Variants in PAX5 observed in about 807,000 individuals in gnomAD.
The protein encoded by PAX5 is paired box 5, also known as paired box protein Pax-5.
A neutral mutation model predicts 43.7 loss-of-function variants in PAX5; 9 were observed. The observed-to-expected ratio is 0.21, with a 90% confidence interval of 0.12 to 0.36. PAX5 has a LOEUF of 0.36. PAX5 is among the 10% of genes least tolerant of loss of function. The pLI is 1.00. For missense variants in PAX5, 383 were observed against 532.7 expected (o/e 0.72, Z 2.77); for synonymous variants, 228 against 214.3 (o/e 1.06, Z -0.56).
rs117493137 is a variant in PAX5 at position 36,962,583 on chromosome 9, G to A, written c.780+3966C>T. On this transcript the variant is annotated intron_variant, in intron 6 of 9. Transcript: ENST00000358127. Reference sequence around the variant, plus strand: ...GATCGCTGTCGTCACGTTCGGTTTCGGCTGCTGCAGCTGTTCTTGTTGTTG... The same window carrying A: ...GATCGCTGTCGTCACGTTCGGTTTCAGCTGCTGCAGCTGTTCTTGTTGTTG... Among the ~76,000 whole-genome samples the A allele has an allele frequency of 3.3e-4, 51 of 152,248 alleles. 1 individual carries two copies. In the East Asian group the frequency reaches 9.3e-3, roughly 28 times the overall value.
intron 8 of PAX5, among the ~76,000 whole-genome samples, chr9:36,849,508 T>C (rs931999136): frequency 2.0e-5 from 3 of 152,222 alleles, no homozygotes; most frequent in African/African-American, 7.2e-5. Flanking sequence ...GGAATAATTA[T>C]TTGTTGAATG....
intron 8 of PAX5, among the ~76,000 whole-genome samples, chr9:36,853,154 C>T (rs993842776): frequency 6.6e-6 from 1 of 152,218 alleles, no homozygotes; most frequent in African/African-American, 2.4e-5. Context: ...CAAGTAAATG[C>T]AAACATCAGT....
intron 6 of PAX5, among the ~76,000 whole-genome samples, chr9:36,947,352 A>G (rs1402057000): frequency 6.6e-6 from 1 of 152,210 alleles, no homozygotes; most frequent in Non-Finnish European, 1.5e-5. Flanking sequence ...TGGATCAAGT[A>G]CCATTTCCTC....
At chr9:36,993,793 C>T (rs965877411) in intron 5 of PAX5, among the ~76,000 whole-genome samples, 2 of 152,174 alleles carry the variant, frequency 1.3e-5, no homozygotes, top group Non-Finnish European at 2.9e-5. Context: ...TATCCCCCTC[C>T]ATCGGCCCCA....
At chr9:37,018,001 C>T (rs1839536302) in intron 2 of PAX5, among the ~76,000 whole-genome samples, 1 of 152,200 alleles carries the variant, frequency 6.6e-6, no homozygotes, top group African/African-American at 2.4e-5. Flanking sequence ...GTGCAAAGAG[C>T]ATTAGTTTAG....
chr9:36,953,032 G>A (rs142241567), intron 6 of PAX5, among the ~76,000 whole-genome samples: 146 of 152,168 alleles, frequency 9.6e-4, no homozygotes, highest in African/African-American at 3.4e-3. Context: ...CAAGTCTGCT[G>A]GTGATGAATT....
chr9:37,013,974 G>A (rs1839180681), intron 3 of PAX5, among the ~76,000 whole-genome samples: 1 of 152,184 alleles, frequency 6.6e-6, no homozygotes, highest in African/African-American at 2.4e-5. Context: ...TGCCAGGAGT[G>A]AGGGTCTCCT....
chr9:36,885,482 C>T lies in PAX5; in HGVS notation c.911-3377G>A, dbSNP rs1826835022. Among the ~76,000 whole-genome samples the T allele has an allele frequency of 3.3e-5, 5 of 152,222 alleles. No homozygotes were observed. The South Asian group carries it at 8.3e-4, about 25-fold the overall frequency. ...GAGTAAACTGTGAGTGAGGCACACA[C>T]ATTCTCACTTATTCCTCACAATAGC... On this transcript the variant is annotated intron_variant, in intron 7 of 9. Coordinates refer to ENST00000358127, the MANE Select transcript of PAX5 (RefSeq NM_016734.3).
At chr9:36,913,675 C>T (rs908082981) in intron 7 of PAX5, among the ~76,000 whole-genome samples, 30 of 152,324 alleles carry the variant, frequency 2.0e-4, no homozygotes, top group Middle Eastern at 3.4e-3. Context: ...AGGTGTTTAA[C>T]TTAATATTTA....
chr9:36,877,891 A>G (rs550341172), intron 8 of PAX5, among the ~76,000 whole-genome samples: 1 of 152,342 alleles, frequency 6.6e-6, no homozygotes, highest in East Asian at 1.9e-4. Flanking sequence ...TCCTCCAGGT[A>G]TGACCTAAAT....
At chr9:37,004,762 C>T (rs1208648786) in intron 4 of PAX5, among the ~76,000 whole-genome samples, 1 of 152,270 alleles carries the variant, frequency 6.6e-6, no homozygotes, top group Non-Finnish European at 1.5e-5. Flanking sequence ...CATATATAAC[C>T]AAAGCTCACC....
chr9:37,002,004 GC>G (rs1837910867), intron 5 of PAX5, among the ~76,000 whole-genome samples: 2 of 151,922 alleles, frequency 1.3e-5, no homozygotes, highest in Admixed American at 6.6e-5. Context: ...ACAGGGCCAG[GC>G]CCGTGGAGGG....
At chr9:36,892,420 CTAAGCACTTTGTATGTATTATCTCATT>C (rs1267168384) in intron 7 of PAX5, among the ~76,000 whole-genome samples, 1 of 152,236 alleles carries the variant, frequency 6.6e-6, no homozygotes, top group African/African-American at 2.4e-5. Context: ...AAGCATTGTT[CTAAGCACTTTGTATGTATTATCTCATT>C]TAAGTACCGC....
At chr9:36,898,856 C>T (rs72735616) in intron 7 of PAX5, among the ~76,000 whole-genome samples, 2,729 of 152,204 alleles carry the variant, frequency 0.018, 33 homozygotes, top group Non-Finnish European at 0.029. Context: ...CTCCCACTAA[C>T]ACCCCTGGGG....
chr9:36,934,647 G>T (rs1831396532), intron 6 of PAX5, among the ~76,000 whole-genome samples: 2 of 152,198 alleles, frequency 1.3e-5, no homozygotes, highest in Non-Finnish European at 2.9e-5. Context: ...GTACTACAAA[G>T]GATGTTGAAG....
intron 5 of PAX5, among the ~76,000 whole-genome samples, chr9:36,972,960 G>A (rs908503557): frequency 1.3e-5 from 2 of 151,576 alleles, no homozygotes; most frequent in Non-Finnish European, 2.9e-5. Context: ...CCCAGGAGAC[G>A]GAGGTTGCAG....
intron 7 of PAX5, among the ~76,000 whole-genome samples, chr9:36,903,625 G>A (rs1302812530): frequency 1.3e-5 from 2 of 152,220 alleles, no homozygotes; most frequent in East Asian, 3.8e-4. Context: ...CAAGAAAGAA[G>A]GAGCAATCAT....
intron 5 of PAX5, among the ~76,000 whole-genome samples, chr9:36,999,700 C>T (rs769120610): frequency 2.1e-4 from 32 of 152,304 alleles, no homozygotes; most frequent in South Asian, 1.5e-3. Context: ...CTGATGGTAC[C>T]GCACTGGAGG....
intron 5 of PAX5, among the ~76,000 whole-genome samples, chr9:36,990,491 A>G (rs921832822): frequency 2.0e-5 from 3 of 152,044 alleles, no homozygotes; most frequent in Non-Finnish European, 4.4e-5. Context: ...GAAGGTTAAA[A>G]CCCTTCAGGC....
Sources: gnomAD v4.1 joint callset for allele counts (sites outside exome capture counted in the v4.1 genomes callset) on GRCh38, gnomAD v4.1.1 for gene constraint, MANE v1.5 for transcripts, NCBI Gene and HGNC (gene_info 2026-07-23, HGNC 2026-07-21) for gene names.